CAPN7: variants seen among roughly 807,000 people sequenced by gnomAD.
CAPN7 encodes calpain 7.
Under a neutral mutation model 115.2 loss-of-function variants are expected in CAPN7, and 72 were observed. The observed-to-expected ratio is 0.63, with a 90% CI of 0.52 to 0.76. The LOEUF (loss-of-function observed/expected upper bound fraction) is 0.76. Ranked by LOEUF, CAPN7 falls within the 30% of genes least tolerant of loss-of-function variation. The pLI is 0.00. For missense variants in CAPN7, 905 were observed against 971.5 expected (o/e 0.93, Z 0.91); for synonymous variants, 344 against 322.3 (o/e 1.07, Z -0.72).
intron 12 of CAPN7, among the ~76,000 whole-genome samples, chr3:15,238,108 CTTTTTTT>C (rs34203410): frequency 1.7e-5 from 1 of 58,188 alleles, no homozygotes; most frequent in Non-Finnish European, 3.0e-5. Flanking sequence ...ATTCTGACTT[CTTTTTTT>C]TTTTTTTTTT....
Position 15,220,892 on chromosome 3 carries a change from C to A in CAPN7, c.549C>A (p.Pro183=). 6.2e-7 allele frequency: 1 copy of A among 1,614,184 alleles called. No individual in the cohort carries two copies. The highest frequency in any genetic ancestry group is 8.5e-7 in the Non-Finnish European group (1 of 1,180,026). Residue 183 remains proline (P), a synonymous_variant, in exon 5 of 21, where the codon CCC becomes CCA. Transcript: ENST00000253693. ...VRAHFPLGAN[P]FLERPQSFIS... Reference sequence around the variant, plus strand: ...CACATTTTCCACTGGGCGCTAATCCCTTCCTTGAAAGACCTCAGTCATTTA... The same window carrying A: ...CACATTTTCCACTGGGCGCTAATCCATTCCTTGAAAGACCTCAGTCATTTA...
chr3:15,218,267 A>C (rs919827572), intron 3 of CAPN7, among the ~76,000 whole-genome samples: 1 of 152,214 alleles, frequency 6.6e-6, no homozygotes, highest in Non-Finnish European at 1.5e-5. Flanking sequence ...AGTTGTCCAC[A>C]TAAGTGGTTT....
intron 16 of CAPN7, among the ~76,000 whole-genome samples, chr3:15,244,589 G>A (rs1695548028): frequency 6.6e-6 from 1 of 152,094 alleles, no homozygotes; most frequent in South Asian, 2.1e-4. Context: ...AAAATACTTA[G>A]TTTTTCTGAT....
intron 16 of CAPN7, among the ~76,000 whole-genome samples, chr3:15,245,206 A>AAAAC (rs1695587901): frequency 6.6e-6 from 1 of 152,064 alleles, no homozygotes; most frequent in African/African-American, 2.4e-5. Flanking sequence ...TCAAAAAAAA[A>AAAAC]ACTAATCCTG....
At chr3:15,240,971 G>A (rs7626490) in intron 14 of CAPN7, 118 bp downstream of exon 14, 26,628 of 610,542 alleles carry the variant, frequency 0.044, 5,198 homozygotes, top group African/African-American at 0.43. Flanking sequence ...TTGGGAGGCC[G>A]AGGTGGGTGG....
intron 1 of CAPN7, among the ~76,000 whole-genome samples, chr3:15,207,347 T>A (rs1238723308): frequency 1.3e-5 from 2 of 152,194 alleles, no homozygotes; most frequent in African/African-American, 4.8e-5. Context: ...CAAAAGGAGC[T>A]TGCAGGACTG....
At chr3:15,219,625 C>T (rs1693844421) in intron 4 of CAPN7, among the ~76,000 whole-genome samples, 1 of 152,150 alleles carries the variant, frequency 6.6e-6, no homozygotes, top group South Asian at 2.1e-4. Flanking sequence ...GCCATGGGCT[C>T]CTATGAGGAT....
Position 15,235,026 on chromosome 3 carries a change from T to C in CAPN7, c.1288T>C (p.Phe430Leu). 6.2e-7 allele frequency: 1 copy of C among 1,601,706 alleles called. No individual in the cohort carries two copies. Among genetic ancestry groups the C allele is most frequent in the Non-Finnish European group, 8.5e-7 (1 of 1,176,486 alleles). Residue 430 changes from phenylalanine (F) to leucine (L), a missense_variant and splice_region_variant, in exon 12 of 21, where the codon TTT (phenylalanine) becomes CTT (leucine). Physicochemically the swap from Phe to Leu is conservative, Grantham distance 22 (BLOSUM62 0). Coordinates refer to ENST00000253693, the MANE Select transcript of CAPN7 (RefSeq NM_014296.3). ...DNSFRMLYQR[F>L]HKGDVLITAS... The stretch of plus-strand genomic sequence containing the variant: ...AATTGTCTTTGGGGTTCATTCCAGA[T>C]TTCACAAAGGAGATGTCCTCATCAC...
chr3:15,234,919 G>C (rs925538686), intron 11 of CAPN7, 106 bp from the exon 12 acceptor site: 1 of 898,510 alleles, frequency 1.1e-6, no homozygotes, highest in African/African-American at 1.7e-5. Context: ...TCAGGGGTAG[G>C]AACAGCCCAT....
chr3:15,235,028 T>C lies in CAPN7; in HGVS notation c.1290T>C (p.Phe430=), dbSNP rs1575216262. The C allele has an allele frequency of 6.2e-7, 1 of 1,603,928 alleles. No homozygotes were observed. ...DNSFRMLYQR[F]HKGDVLITAS... ...TTGTCTTTGGGGTTCATTCCAGATT[T>C]CACAAAGGAGATGTCCTCATCACTG... is the stretch of plus-strand genomic sequence containing the variant. The change falls in exon 12 of 21, where the codon TTT becomes TTC. Residue 430 remains phenylalanine, a synonymous_variant. Transcript: ENST00000253693.
chr3:15,240,656 CAAA>C (rs753810405), intron 13 of CAPN7, 39 bp downstream of exon 13: 2 of 1,517,444 alleles, frequency 1.3e-6, no homozygotes, highest in Non-Finnish European at 1.8e-6. Context: ...ATTTATTCTT[CAAA>C]AAAAAACATG....
intron 19 of CAPN7, among the ~76,000 whole-genome samples, chr3:15,249,025 C>CAAAAAAAAAA (rs59492817): frequency 7.6e-6 from 1 of 130,760 alleles, no homozygotes; most frequent in African/African-American, 3.0e-5. Flanking sequence ...AAAAAAAAAA[C>CAAAAAAAAAA]AAAAACAGAA....
intron 2 of CAPN7, among the ~76,000 whole-genome samples, chr3:15,214,648 G>C (rs1014082392): frequency 1.3e-5 from 2 of 152,190 alleles, no homozygotes; most frequent in Non-Finnish European, 2.9e-5. Flanking sequence ...AGCCCAGGAG[G>C]TTGAGGCTGC....
Position 15,212,115 on chromosome 3 carries a change from A to G in CAPN7, c.114A>G (p.Gln38=). Residue 38 remains glutamine, a synonymous_variant, in exon 2 of 21, where the codon CAA becomes CAG. Transcript: ENST00000253693. The part of the protein sequence containing the change: ...EAVFYYKEAA[Q]ALIYAEMAGS... The stretch of plus-strand genomic sequence containing the variant: ...TCTTTCATTTTTAGGAAGCTGCACA[A>G]GCCTTAATTTATGCTGAGATGGCAG... 1 of 1,603,350 alleles carries G rather than the reference A, an allele frequency of 6.2e-7. No individual in the cohort carries two copies. Among genetic ancestry groups the G allele is most frequent in the Admixed American group, 1.7e-5 (1 of 58,288 alleles).
In CAPN7 at chr3:15,209,033, G is replaced by A. The variant is rs570231737; in HGVS notation, c.102+2436G>A. Among the ~76,000 whole-genome samples the A allele has an allele frequency of 5.3e-5, 8 of 151,066 alleles. No individual in the cohort carries two copies. The South Asian group carries it at 6.3e-4, about 12-fold the overall frequency. On this transcript the variant is annotated intron_variant, in intron 1 of 20. Transcript: ENST00000253693. Reference sequence around the variant, plus strand: ...ATCTTTTTTCCTTTTTTTTTGAGACGGAGTTTTGTTCTTGTTGCTCAGGCT... The same window carrying A: ...ATCTTTTTTCCTTTTTTTTTGAGACAGAGTTTTGTTCTTGTTGCTCAGGCT...
intron 6 of CAPN7, among the ~76,000 whole-genome samples, chr3:15,224,774 T>C (rs1349768799): frequency 6.6e-6 from 1 of 152,224 alleles, no homozygotes; most frequent in Non-Finnish European, 1.5e-5. Context: ...GCTTACTATA[T>C]AGAATATGAA....
chr3:15,213,954 A>G (rs1353675767), intron 2 of CAPN7, among the ~76,000 whole-genome samples: 1 of 148,122 alleles, frequency 6.8e-6, no homozygotes, highest in Non-Finnish European at 1.5e-5. Context: ...ATCTCAGCTC[A>G]CTGCCAAGTT....
chr3:15,249,332 A>G (rs977390531), intron 19 of CAPN7, among the ~76,000 whole-genome samples: 2 of 152,064 alleles, frequency 1.3e-5, no homozygotes, highest in Non-Finnish European at 2.9e-5. Flanking sequence ...ATTTTTTTTA[A>G]TTATAAGCAT....
At chr3:15,249,055 A>G (rs1013536715) in intron 19 of CAPN7, among the ~76,000 whole-genome samples, 3 of 151,356 alleles carry the variant, frequency 2.0e-5, no homozygotes, top group Admixed American at 6.6e-5. Flanking sequence ...AAACAGAACT[A>G]CCTTCTAAAT....
Sources: gnomAD v4.1 joint callset for allele counts (sites outside exome capture counted in the v4.1 genomes callset) on GRCh38, gnomAD v4.1.1 for gene constraint, MANE v1.5 for transcripts, NCBI Gene and HGNC (gene_info 2026-07-23, HGNC 2026-07-21) for gene names.